The following CC2D2A variants were observed in gnomAD, a reference collection of about 807,000 sequenced individuals.
CC2D2A encodes the protein coiled-coil and C2 domain containing 2A.
CC2D2A carries 155 observed loss-of-function variants against 212.9 expected under a neutral mutation model. The ratio of observed to expected loss-of-function variants is 0.73; its 90% CI spans 0.64 to 0.83. The LOEUF (loss-of-function observed/expected upper bound fraction) is 0.83. Among genes scored for constraint, CC2D2A ranks in the 40% least tolerant of loss-of-function variants. The pLI is 0.00. For synonymous variants in CC2D2A, 667 were observed against 686.5 expected (o/e 0.97, Z 0.44); for missense variants, 1,856 against 1,956.2 (o/e 0.95, Z 0.97).
intron 9 of CC2D2A, 101 bp from the exon 10 acceptor site, chr4:15,515,767 A>G: frequency 8.2e-7 from 1 of 1,216,964 alleles, no homozygotes; most frequent in Non-Finnish European, 1.1e-6. Context: ...TGCATTTTCT[A>G]AGAACATAAA....
intron 4 of CC2D2A, among the ~76,000 whole-genome samples, chr4:15,489,324 G>A (rs1715175414): frequency 6.6e-6 from 1 of 152,162 alleles, no homozygotes; most frequent in African/African-American, 2.4e-5. Flanking sequence ...GCTGCCTGAA[G>A]GAGCCGGGCC....
chr4:15,484,235 G>C (rs927533028), intron 4 of CC2D2A, among the ~76,000 whole-genome samples: 14 of 152,214 alleles, frequency 9.2e-5, no homozygotes, highest in African/African-American at 3.4e-4. Flanking sequence ...AGGGGAGAAT[G>C]TTCCAGGCAG....
rs371166542 is a variant in CC2D2A, at chr4:15,590,155, T to A, written c.4314+476T>A. Among the ~76,000 whole-genome samples, 5 of 152,338 alleles carry A rather than the reference T, an allele frequency of 3.3e-5. No individual in the cohort carries two copies. In the East Asian group the frequency reaches 5.8e-4, roughly 18 times the overall value. ...CTGCAATATCCCCAGGTAATTCTAG[T>A]TGCGCCAGTTTTGAGGGCTGCATGA... On this transcript the variant is annotated intron_variant, in intron 33 of 36. Transcript: ENST00000424120.
chr4:15,576,323 A>T, intron 29 of CC2D2A: 1 of 951,080 alleles, frequency 1.1e-6, no homozygotes, highest in Non-Finnish European at 1.3e-6. Context: ...TCCTAAAATT[A>T]TAGGGTCAAC....
Position 15,511,329 on chromosome 4 carries a change from A to T in CC2D2A, c.623A>T (p.Glu208Val). Residue 208 changes from glutamate to valine, a missense_variant, in exon 8 of 37, where the codon GAA becomes GTA. Physicochemically the swap from Glu to Val is moderately radical, Grantham distance 121 (BLOSUM62 -2). Around this residue, in one of 5 missense-constraint regions of CC2D2A, gnomAD observed 1,512 missense variants for 1,579.3 expected, o/e 0.96. Transcript: ENST00000424120. ...NFDPEPEGSE[E>V]KPKARHRAGT... ...GATCCCGAACCAGAAGGATCAGAGG[A>T]AAAACCAAAAGCAAGACATAGAGCG... The T allele has an allele frequency of 6.2e-7, 1 of 1,601,042 alleles. No individual in the cohort carries two copies. Among genetic ancestry groups the T allele is most frequent in the Non-Finnish European group, 8.5e-7 (1 of 1,175,404 alleles).
intron 24 of CC2D2A, among the ~76,000 whole-genome samples, chr4:15,566,324 G>A (rs1241522655): frequency 6.6e-6 from 1 of 152,084 alleles, no homozygotes; most frequent in Non-Finnish European, 1.5e-5. Context: ...GTAGCTTGGG[G>A]TTATTGGAGA....
chr4:15,552,586 G>A (rs1719060077), intron 18 of CC2D2A, among the ~76,000 whole-genome samples: 1 of 152,032 alleles, frequency 6.6e-6, no homozygotes, highest in Admixed American at 6.5e-5. Flanking sequence ...CTTACATACA[G>A]TCTCTAACAT....
intron 29 of CC2D2A, among the ~76,000 whole-genome samples, chr4:15,575,895 G>T (rs971454099): frequency 1.3e-5 from 2 of 152,188 alleles, no homozygotes; most frequent in Non-Finnish European, 2.9e-5. Flanking sequence ...CCACCTTGGG[G>T]GTGTGTTTCT....
At chr4:15,560,717 A>G (rs531439626) in intron 23 of CC2D2A, 95 bp downstream of exon 23, 418 of 604,006 alleles carry the variant, frequency 6.9e-4, no homozygotes, top group Non-Finnish European at 1.1e-3. Context: ...TTTAAAAATC[A>G]TCGTATGGTA....
intron 33 of CC2D2A, among the ~76,000 whole-genome samples, chr4:15,592,463 T>C (rs979300706): frequency 6.6e-6 from 1 of 152,218 alleles, no homozygotes; most frequent in Non-Finnish European, 1.5e-5. Context: ...AATGAATAAA[T>C]AAATCCAATG....
chr4:15,489,268 G>A (rs1715172263), intron 4 of CC2D2A, among the ~76,000 whole-genome samples: 1 of 152,152 alleles, frequency 6.6e-6, no homozygotes, highest in Admixed American at 6.6e-5. Flanking sequence ...ACTGGCCTGG[G>A]GTGGGAGGGG....
rs1396115620 is a variant in CC2D2A at position 15,601,410 on chromosome 4, T to G, written c.4848T>G (p.Leu1616=). ...CTGTTTGGATCTATGTTGCCTCTCT[T>G]ATACGCAACAGGTAATTTTTTTCAC... is the stretch of plus-strand genomic sequence containing the variant. ...VLSVWIYVAS[L]IRNR is the part of the protein sequence containing the mutation. Residue 1616 remains leucine (L), a synonymous_variant, in exon 37 of 37, where the codon CTT becomes CTG. Transcript: ENST00000424120. 6.7e-7 allele frequency: 1 copy of G among 1,495,456 alleles called. No individual in the cohort carries two copies. The highest frequency in any genetic ancestry group is 2.3e-5 in the East Asian group (1 of 42,696). 92.6% of individuals were successfully genotyped at this position (1,495,456 alleles called of 1,614,324 possible).
intron 9 of CC2D2A, 51 bp downstream of exon 9, chr4:15,514,920 T>C (rs1716776161): frequency 6.5e-7 from 1 of 1,545,270 alleles, no homozygotes; most frequent in East Asian, 2.3e-5. Flanking sequence ...TCACTTACCT[T>C]GTCATGAAAT....
intron 12 of CC2D2A, 104 bp from the exon 13 acceptor site, chr4:15,528,516 C>A: frequency 1.2e-6 from 1 of 803,536 alleles, no homozygotes; most frequent in Admixed American, 2.0e-5. Flanking sequence ...GTTCCATTCA[C>A]AGACTGATGG....
At chr4:15,570,228 A>G (rs1442877970) in intron 27 of CC2D2A, among the ~76,000 whole-genome samples, 170 bp from the exon 28 acceptor site, 1 of 152,156 alleles carries the variant, frequency 6.6e-6, no homozygotes, top group Admixed American at 6.5e-5. Context: ...AGGTCAAATG[A>G]CTTTCCTAGG....
chr4:15,541,759 C>G (rs1309681837), intron 17 of CC2D2A, among the ~76,000 whole-genome samples: 1 of 152,134 alleles, frequency 6.6e-6, no homozygotes, highest in Non-Finnish European at 1.5e-5. Context: ...AATAAATCTC[C>G]TCACTAGCCT....
chr4:15,555,061 CTTCTT>C lies in CC2D2A; in HGVS notation c.2487-7_2487-3del, dbSNP rs769454642. 2.5e-6 allele frequency: 4 copies of C among 1,604,166 alleles called. No individual in the cohort carries two copies. Among genetic ancestry groups the C allele is most frequent in the Non-Finnish European group, 2.6e-6 (3 of 1,174,886 alleles). On this transcript the variant is annotated splice_polypyrimidine_tract_variant and splice_region_variant and intron_variant, in intron 19 of 36. Transcript: ENST00000424120. ...TCAAGTCAGTCTCATGGAATCAACT[CTTCTT>C]TTCAGTGCTTTGAAGAAAGCAGATG... is the stretch of plus-strand genomic sequence containing the variant.
intron 28 of CC2D2A, among the ~76,000 whole-genome samples, chr4:15,571,606 C>A (rs375038407): frequency 1.1e-3 from 154 of 142,426 alleles, no homozygotes; most frequent in African/African-American, 1.9e-3. Context: ...CCGTTTAAAC[C>A]AAAAAAAAAA....
At chr4:15,576,746 C>G (rs570735133) in intron 29 of CC2D2A, 2 of 152,776 alleles carry the variant, frequency 1.3e-5, no homozygotes, top group Admixed American at 6.5e-5. Context: ...AATGCCTGGG[C>G]ATTGAATTAC....
Sources: gnomAD v4.1 joint callset for allele counts (sites outside exome capture counted in the v4.1 genomes callset) on GRCh38, gnomAD v4.1.1 for gene constraint, gnomAD v4.1.1 regional missense constraint, MANE v1.5 for transcripts, NCBI Gene and HGNC (gene_info 2026-07-23, HGNC 2026-07-21) for gene names.